AMN1: variants seen among roughly 807,000 people sequenced by gnomAD.
The protein encoded by AMN1 is antagonist of mitotic exit network 1 homolog, also known as protein AMN1 homolog.
AMN1 carries 20 observed loss-of-function variants against 33.0 expected under a neutral mutation model. The ratio of observed to expected loss-of-function variants is 0.61; its 90% CI spans 0.43 to 0.88. AMN1 has a LOEUF of 0.88. Among genes scored for constraint, AMN1 ranks in the 40% least tolerant of loss-of-function variants. The pLI is 0.00. For synonymous variants in AMN1, 114 were observed against 111.9 expected, an observed-to-expected ratio of 1.02 and a Z score of -0.12; for missense variants, 246 against 307.4, an observed-to-expected ratio of 0.80 and a Z score of 1.49.
chr12:31,710,628 C>G (rs544221369), intron 1 of AMN1, among the ~76,000 whole-genome samples: 1 of 151,586 alleles, frequency 6.6e-6, no homozygotes, highest in Admixed American at 6.6e-5. Flanking sequence ...TTTCCTAAAA[C>G]GGCACCACAG....
At chr12:31,724,373 C>T (rs1433106900) in intron 1 of AMN1, among the ~76,000 whole-genome samples, 1 of 152,070 alleles carries the variant, frequency 6.6e-6, no homozygotes, top group Non-Finnish European at 1.5e-5. Flanking sequence ...CTCTGATAAC[C>T]AAGAAGGCTA....
At chr12:31,699,060 G>A (rs1193459018) in intron 3 of AMN1, among the ~76,000 whole-genome samples, 2 of 152,102 alleles carry the variant, frequency 1.3e-5, no homozygotes, top group East Asian at 1.9e-4. Context: ...GTGGGGGTCA[G>A]GGACGGCAGG....
intron 6 of AMN1, among the ~76,000 whole-genome samples, chr12:31,686,754 T>C (rs1938279968): frequency 6.6e-6 from 1 of 152,246 alleles, no homozygotes; most frequent in Admixed American, 6.5e-5. Context: ...TCTTGAAGTA[T>C]GGCTTCTACT....
intron 6 of AMN1, among the ~76,000 whole-genome samples, chr12:31,684,384 A>C (rs982034771): frequency 3.3e-5 from 5 of 152,034 alleles, no homozygotes; most frequent in Non-Finnish European, 7.3e-5. Flanking sequence ...TTTTTAAAAA[A>C]TGAATGTCTA....
At chr12:31,673,918 T>C (rs896233154) in intron 6 of AMN1, among the ~76,000 whole-genome samples, 1 of 152,198 alleles carries the variant, frequency 6.6e-6, no homozygotes, top group South Asian at 2.1e-4. Flanking sequence ...AATTTGTTAT[T>C]GTACAGTTTT....
rs1448564181 is a variant in AMN1 at position 31,702,007 on chromosome 12, T to C, written c.172A>G (p.Ile58Val). The C allele has an allele frequency of 6.3e-7, 1 of 1,585,592 alleles. No homozygotes were observed. Among genetic ancestry groups the C allele is most frequent in the Non-Finnish European group, 8.5e-7 (1 of 1,171,178 alleles). Residue 58 changes from isoleucine (I) to valine (V), a missense_variant and splice_region_variant, in exon 3 of 7, where the codon ATT becomes GTT. Transcript: ENST00000281471. The part of the protein sequence containing the change: ...GQITDSNISE[I>V]LHPEVQTLDL... ...AGAGTTTGGACTTCAGGATGTAAAA[T>C]CTATAACAAATAAGTGATTTTGAAA...
chr12:31,715,092 T>C (rs16918862), intron 1 of AMN1: 5,712 of 196,350 alleles, frequency 0.029, 263 homozygotes, highest in East Asian at 0.21. Context: ...CCAAGTGTAC[T>C]GAAGTAGCAA....
intron 1 of AMN1, among the ~76,000 whole-genome samples, chr12:31,712,477 A>G (rs1252510982): frequency 6.6e-6 from 1 of 151,898 alleles, no homozygotes; most frequent in East Asian, 1.9e-4. Flanking sequence ...TGAACTCTTG[A>G]CCTCGTGATC....
At chr12:31,672,554 C>A in intron 6 of AMN1, 177 bp from the exon 7 acceptor site, 2 of 548,798 alleles carry the variant, frequency 3.6e-6, no homozygotes, top group Admixed American at 3.0e-5. Flanking sequence ...GTAGCCCTCA[C>A]TATTATTAGG....
At chr12:31,728,882 A>AT in intron 1 of AMN1, 89 bp downstream of exon 1, 1 of 1,188,648 alleles carries the variant, frequency 8.4e-7, no homozygotes, top group South Asian at 1.6e-5. Context: ...GGGGTGGGAA[A>AT]GGGGCGGGGA....
rs56947635 is a variant in AMN1, at chr12:31,716,685, T to C, written c.39-7260A>G. Among the ~76,000 whole-genome samples the C allele has an allele frequency of 8.4e-3, 1,276 of 152,306 alleles. 18 individuals carry two copies. The highest frequency in any genetic ancestry group is 0.029 in the African/African-American group (1,204 of 41,552). On this transcript the variant is annotated intron_variant, in intron 1 of 6. Transcript: ENST00000281471. ...GTATTTTGCCCTCTTTCATTTTGGG[T>C]TAATTATGTTTCTTACTGATATATA...
intron 6 of AMN1, among the ~76,000 whole-genome samples, chr12:31,685,854 TA>T (rs1160125879): frequency 6.7e-6 from 1 of 148,738 alleles, no homozygotes; most frequent in African/African-American, 2.5e-5. Flanking sequence ...CATTTGTTAT[TA>T]TTTTTTTTTT....
At chr12:31,724,787 G>A (rs1214881508) in intron 1 of AMN1, among the ~76,000 whole-genome samples, 1 of 152,200 alleles carries the variant, frequency 6.6e-6, no homozygotes, top group Admixed American at 6.5e-5. Flanking sequence ...GTTTCCCAAA[G>A]TAAATGGTTT....
At chr12:31,679,489 C>G (rs577067800) in intron 6 of AMN1, among the ~76,000 whole-genome samples, 1 of 152,226 alleles carries the variant, frequency 6.6e-6, no homozygotes, top group Non-Finnish European at 1.5e-5. Context: ...TGAGATGGTG[C>G]CACTGCACTC....
intron 2 of AMN1, among the ~76,000 whole-genome samples, chr12:31,707,631 G>A (rs1326655216): frequency 1.3e-5 from 2 of 152,096 alleles, no homozygotes; most frequent in Admixed American, 6.6e-5. Context: ...ATATCTCTTA[G>A]GACATATGAA....
chr12:31,692,647 G>A (rs74202129), intron 5 of AMN1, among the ~76,000 whole-genome samples: 5,080 of 152,022 alleles, frequency 0.033, 247 homozygotes, highest in East Asian at 0.21. Context: ...TTATAGCAAC[G>A]GAAGGAAAAG....
At chr12:31,704,488 CTTTG>C (rs1256999725) in intron 2 of AMN1, among the ~76,000 whole-genome samples, 27 of 135,786 alleles carry the variant, frequency 2.0e-4, no homozygotes, top group Admixed American at 7.3e-4. Flanking sequence ...AAGTTTTTGA[CTTTG>C]TTTCTTTTTT....
chr12:31,697,630 AAT>A, intron 4 of AMN1, 108 bp downstream of exon 4: 1 of 1,234,232 alleles, frequency 8.1e-7, no homozygotes, highest in South Asian at 1.3e-5. Flanking sequence ...TGAAGTGGTC[AAT>A]AGTTTCAACA....
intron 1 of AMN1, among the ~76,000 whole-genome samples, chr12:31,718,269 A>C (rs1417926394): frequency 6.6e-6 from 1 of 151,802 alleles, no homozygotes; most frequent in Non-Finnish European, 1.5e-5. Context: ...CCATCAGGTC[A>C]TTTATGTTCT....
Sources: gnomAD v4.1 joint callset for allele counts (sites outside exome capture counted in the v4.1 genomes callset) on GRCh38, gnomAD v4.1.1 for gene constraint, MANE v1.5 for transcripts, NCBI Gene and HGNC (gene_info 2026-07-23, HGNC 2026-07-21) for gene names.